CHMP7: variants seen among roughly 807,000 people sequenced by gnomAD.
CHMP7 encodes CHMP family, member 7.
CHMP7 carries 15 observed loss-of-function variants against 53.7 expected under a neutral mutation model. The observed-to-expected ratio is 0.28, with a 90% confidence interval of 0.19 to 0.43. The LOEUF is 0.43. CHMP7 is among the 20% of genes least tolerant of loss of function. The pLI, the probability that CHMP7 is intolerant of heterozygous loss-of-function variation, is 1.00. For missense variants in CHMP7, 527 were observed against 569.4 expected (o/e 0.93, Z 0.76); for synonymous variants, 261 against 228.0 (o/e 1.14, Z -1.30).
chr8:23,246,633 A>C lies in CHMP7; in HGVS notation c.-63A>C. 23 of 1,366,914 alleles carry C rather than the reference A, an allele frequency of 1.7e-5. No homozygotes were observed. Among genetic ancestry groups the C allele is most frequent in the Admixed American group, 2.3e-5 (1 of 44,180 alleles). The allele number at this position is 1,366,914 out of a possible 1,614,324, so 84.7% of individuals were successfully genotyped here. ...GTCAAGGAACGGAAGCCGGGAGGGA[A>C]CGAGGGCGGAAGCGGACCAGGGCCA... On this transcript the variant is annotated 5_prime_UTR_variant, in exon 2 of 11. Coordinates refer to ENST00000397677, the MANE Select transcript of CHMP7 (RefSeq NM_152272.5).
chr8:23,245,862 A>T (rs1269808812), intron 1 of CHMP7, among the ~76,000 whole-genome samples: 1 of 152,226 alleles, frequency 6.6e-6, no homozygotes, highest in Admixed American at 6.5e-5. Flanking sequence ...GCTTTCAAGA[A>T]ATGTGTCCAT....
chr8:23,253,196 A>T (rs1009839284), intron 3 of CHMP7, among the ~76,000 whole-genome samples: 2 of 152,258 alleles, frequency 1.3e-5, no homozygotes, highest in Non-Finnish European at 2.9e-5. Context: ...TCAACATTGT[A>T]TCGCTGTCCT....
At chr8:23,255,810 G>A (rs948327438) in intron 4 of CHMP7, among the ~76,000 whole-genome samples, 7 of 142,190 alleles carry the variant, frequency 4.9e-5, no homozygotes, top group African/African-American at 1.3e-4. Context: ...TTGCTCTGTC[G>A]CCCAGCAATG....
In CHMP7 at chr8:23,255,269, G is replaced by A. The variant is rs377356281; in HGVS notation, c.494G>A (p.Arg165His). 1.7e-5 allele frequency: 27 copies of A among 1,614,018 alleles called. No homozygotes were observed. The Middle Eastern group carries it at 4.9e-4, about 30-fold the overall frequency. ...LLKEKAEEVY[R>H]LYQNSPLSSH... is the part of the protein sequence containing the mutation. ...CAGGAAAAGGCTGAGGAGGTGTATC[G>A]TCTGTATCAGAACTCGCCCCTCTCC... Residue 165 changes from arginine to histidine, a missense_variant, in exon 4 of 11, where the codon CGT becomes CAT. Arg to His is a conservative substitution (Grantham distance 29). Coordinates refer to ENST00000397677, the MANE Select transcript of CHMP7 (RefSeq NM_152272.5).
chr8:23,252,323 C>A (rs141325219), intron 3 of CHMP7: 4 of 151,442 alleles, frequency 2.6e-5, no homozygotes, highest in African/African-American at 7.2e-5. Context: ...GCAGTTGGGA[C>A]TACAGGTGCC....
chr8:23,259,136 C>T lies in CHMP7; in HGVS notation c.1120+10C>T. Reference sequence around the variant, plus strand: ...GTAACAAATGGCTTAGGTGAGTGGACAAGGTGGTTATTTTTATTTTTATTC... The same window carrying T: ...GTAACAAATGGCTTAGGTGAGTGGATAAGGTGGTTATTTTTATTTTTATTC... On this transcript the variant is annotated intron_variant, in intron 9 of 10. Transcript: ENST00000397677. 2.8e-6 allele frequency: 3 copies of T among 1,064,972 alleles called. No homozygotes were observed. Among genetic ancestry groups the T allele is most frequent in the Non-Finnish European group, 4.3e-6 (3 of 704,644 alleles). 66.0% of individuals were successfully genotyped at this position (1,064,972 alleles called of 1,614,324 possible).
At chr8:23,257,941 C>G in intron 5 of CHMP7, 92 bp from the exon 6 acceptor site, 1 of 830,574 alleles carries the variant, frequency 1.2e-6, no homozygotes, top group Non-Finnish European at 2.0e-6. Context: ...GATTTAAAAC[C>G]ACCTTAACTG....
chr8:23,260,024 T>C, intron 9 of CHMP7, 120 bp from the exon 10 acceptor site: 2 of 726,356 alleles, frequency 2.8e-6, no homozygotes, highest in Non-Finnish European at 4.5e-6. Context: ...TTTTTTTTAA[T>C]CTGCAAGGAG....
intron 3 of CHMP7, among the ~76,000 whole-genome samples, chr8:23,252,850 A>G (rs1036229374): frequency 6.6e-6 from 1 of 152,120 alleles, no homozygotes; most frequent in Non-Finnish European, 1.5e-5. Context: ...TCTTTTCTTG[A>G]TGTCGTGTAA....
intron 3 of CHMP7, among the ~76,000 whole-genome samples, chr8:23,251,039 C>T (rs982437624): frequency 1.3e-5 from 2 of 152,198 alleles, no homozygotes; most frequent in African/African-American, 2.4e-5. Flanking sequence ...TCAGGGTCCC[C>T]GCAAAGACTG....
Position 23,259,087 on chromosome 8 carries a change from G to C in CHMP7, c.1081G>C (p.Val361Leu), listed in dbSNP as rs1229407160. Residue 361 changes from valine to leucine, a missense_variant, in exon 9 of 11, where the codon GTT becomes CTT. Transcript: ENST00000397677. The stretch of plus-strand genomic sequence containing the variant: ...ACAGCTCTGTGACACCCAGGATGAA[G>C]TTTCTCAGACTCTGGCTGGTGGGGT... ...IQELCDTQDEVSQTLAGGVTN... is the reference protein window; with the variant it reads ...IQELCDTQDELSQTLAGGVTN... 1.9e-6 allele frequency: 3 copies of C among 1,602,754 alleles called. No homozygotes were observed. The South Asian group carries it at 3.3e-5, about 18-fold the overall frequency.
intron 9 of CHMP7, 36 bp downstream of exon 9, chr8:23,259,162 A>ATTTTTTTTTTTTTTTTTTTTTTTTT (rs374301627): frequency 2.1e-6 from 1 of 470,678 alleles, no homozygotes; most frequent in African/African-American, 3.2e-5. Flanking sequence ...ATTTTTATTC[A>ATTTTTTTTTTTTTTTTTTTTTTTTT]TTTTTTTTTT....
At chr8:23,252,647 G>A (rs1439943481) in intron 3 of CHMP7, among the ~76,000 whole-genome samples, 1 of 152,144 alleles carries the variant, frequency 6.6e-6, no homozygotes. Context: ...TATTTCTGTA[G>A]TCAGATCTCT....
At chr8:23,251,852 A>G (rs534455957) in intron 3 of CHMP7, among the ~76,000 whole-genome samples, 2 of 152,304 alleles carry the variant, frequency 1.3e-5, no homozygotes, top group South Asian at 4.1e-4. Flanking sequence ...AAAAAATGCC[A>G]CTTGTGCAGA....
chr8:23,258,573 G>A (rs1585316752), intron 7 of CHMP7, 124 bp downstream of exon 7: 1 of 1,412,704 alleles, frequency 7.1e-7, no homozygotes, highest in East Asian at 2.3e-5. Flanking sequence ...GGTTGCCTTT[G>A]CCTTTCCAGT....
intron 1 of CHMP7, chr8:23,246,021 G>A (rs1267744504): frequency 6.6e-6 from 1 of 152,156 alleles, no homozygotes; most frequent in Non-Finnish European, 1.5e-5. Flanking sequence ...CAGGCTAGAG[G>A]TTAATCAATT....
chr8:23,259,815 T>C (rs1212294840), intron 9 of CHMP7: 1 of 231,202 alleles, frequency 4.3e-6, no homozygotes, highest in Non-Finnish European at 8.4e-6. Flanking sequence ...TGCCATTTCC[T>C]CCTCGACAGC....
chr8:23,258,868 A>G, intron 8 of CHMP7, 38 bp downstream of exon 8: 2 of 1,396,210 alleles, frequency 1.4e-6, no homozygotes, highest in Non-Finnish European at 2.0e-6. Flanking sequence ...ACAGAGAAGG[A>G]GGTGACAGAG....
At position 23,252,199 on chromosome 8, in the gene CHMP7, T is replaced by TTTTTTTTTTTTTTTC. The variant is rs1425030132; in HGVS notation, c.471+2828_471+2829insTTTTCTTTTTTTTTT. ...TCCTGTTTTGTATTGTGTTATCTTT[T>TTTTTTTTTTTTTTTC]TTTTTTTTTTGAGATGGAGTTTGTC... is the stretch of plus-strand genomic sequence containing the variant. On this transcript the variant is annotated intron_variant, in intron 3 of 10. Transcript: ENST00000397677. 2.7e-4 allele frequency among the ~76,000 whole-genome samples: 39 copies of TTTTTTTTTTTTTTTC among 142,634 alleles called. No homozygotes were observed. In the East Asian group the frequency reaches 2.8e-3, roughly 10 times the overall value. The allele number at this position is 142,634 out of a possible 152,430, so 93.6% of individuals were successfully genotyped here.
Sources: gnomAD v4.1 joint callset for allele counts (sites outside exome capture counted in the v4.1 genomes callset) on GRCh38, gnomAD v4.1.1 for gene constraint, MANE v1.5 for transcripts, NCBI Gene and HGNC (gene_info 2026-07-23, HGNC 2026-07-21) for gene names.